The following DLC1 variants were observed in gnomAD, a reference collection of about 807,000 sequenced individuals.
DLC1 encodes the protein rho GTPase-activating protein 7.
In DLC1, 54 loss-of-function variants were observed where a neutral mutation model predicts 140.3. The observed-to-expected ratio is 0.38, with a 90% CI of 0.31 to 0.48. The LOEUF is 0.48. DLC1 is among the 20% of genes least tolerant of loss of function. DLC1 has a pLI of 0.96. For synonymous variants in DLC1, 986 were observed against 728.1 expected, an observed-to-expected ratio of 1.35 and a Z score of -5.70; for missense variants, 2,536 against 1,907.0, an observed-to-expected ratio of 1.33 and a Z score of -6.14.
intron 5 of DLC1, among the ~76,000 whole-genome samples, chr8:13,141,649 T>G (rs561162832): frequency 6.6e-6 from 1 of 152,334 alleles, no homozygotes; most frequent in South Asian, 2.1e-4. Flanking sequence ...ACAGTTCCCT[T>G]TCTTCGCTGC....
chr8:13,293,629 A>T (rs1011340056), intron 5 of DLC1, among the ~76,000 whole-genome samples: 4 of 152,212 alleles, frequency 2.6e-5, no homozygotes, highest in Non-Finnish European at 5.9e-5. Context: ...TTCTGCTTTC[A>T]AGGAGCTCTT....
chr8:13,508,768 AT>A (rs969342843), intron 1 of DLC1, among the ~76,000 whole-genome samples: 13 of 151,242 alleles, frequency 8.6e-5, no homozygotes, highest in South Asian at 6.3e-4. Flanking sequence ...TCCATGTTTT[AT>A]TTTTTTTTAA....
intron 5 of DLC1, among the ~76,000 whole-genome samples, chr8:13,259,979 C>T (rs766362914): frequency 2.0e-4 from 31 of 152,004 alleles, no homozygotes; most frequent in Admixed American, 3.9e-4. Context: ...CTAGACATTA[C>T]AAGAGCAGGA....
intron 5 of DLC1, among the ~76,000 whole-genome samples, chr8:13,130,246 T>C (rs1381828631): frequency 6.6e-6 from 1 of 152,222 alleles, no homozygotes; most frequent in Non-Finnish European, 1.5e-5. Context: ...TCTTGGAATC[T>C]CACCAAGCCT....
chr8:13,501,221 A>T (rs1166610102), intron 1 of DLC1, among the ~76,000 whole-genome samples: 1 of 152,200 alleles, frequency 6.6e-6, no homozygotes. Flanking sequence ...TATGGCCATA[A>T]AATTTAAGTA....
chr8:13,114,239 A>G (rs1820354857), intron 6 of DLC1, among the ~76,000 whole-genome samples: 1 of 152,302 alleles, frequency 6.6e-6, no homozygotes, highest in Non-Finnish European at 1.5e-5. Context: ...GCACATGCCC[A>G]TAATCCCAGC....
chr8:13,215,542 C>T (rs899146136), intron 5 of DLC1, among the ~76,000 whole-genome samples: 3 of 152,104 alleles, frequency 2.0e-5, no homozygotes, highest in African/African-American at 2.4e-5. Flanking sequence ...GCCAAGATCA[C>T]GCCACTGCAC....
intron 1 of DLC1, among the ~76,000 whole-genome samples, chr8:13,543,844 G>A (rs1803565826): frequency 6.6e-6 from 1 of 152,018 alleles, no homozygotes; most frequent in Admixed American, 6.6e-5. Context: ...ACTCAGAAGA[G>A]GGGAGGGCGA....
chr8:13,381,008 T>C (rs1378411649), intron 4 of DLC1, among the ~76,000 whole-genome samples: 8 of 152,162 alleles, frequency 5.3e-5, no homozygotes. Flanking sequence ...TCAAGGCTGA[T>C]GAAAGGGACT....
At chr8:13,587,437 C>G (rs1585306688) in intron 1 of DLC1, among the ~76,000 whole-genome samples, 1 of 151,682 alleles carries the variant, frequency 6.6e-6, no homozygotes, top group East Asian at 1.9e-4. Flanking sequence ...AGGAGACATG[C>G]ATTACATGTA....
intron 1 of DLC1, among the ~76,000 whole-genome samples, chr8:13,575,929 G>A (rs1028446801): frequency 6.6e-6 from 1 of 152,170 alleles, no homozygotes; most frequent in African/African-American, 2.4e-5. Flanking sequence ...TGTGTGGCAA[G>A]AGAGTCCCAC....
chr8:13,268,705 T>G (rs1008282363), intron 5 of DLC1, among the ~76,000 whole-genome samples: 2 of 151,908 alleles, frequency 1.3e-5, no homozygotes, highest in African/African-American at 4.8e-5. Context: ...AGAATTTCCC[T>G]TGGCTCTATG....
chr8:13,133,100 C>G lies in DLC1; in HGVS notation c.1349-17443G>C, dbSNP rs1015922617. 4 of 1,488,032 alleles carry G rather than the reference C, an allele frequency of 2.7e-6. No individual in the cohort carries two copies. The African/African-American group carries it at 5.6e-5, about 21-fold the overall frequency. 92.2% of individuals were successfully genotyped at this position (1,488,032 alleles called of 1,614,324 possible). On this transcript the variant is annotated intron_variant, in intron 5 of 17. Coordinates refer to ENST00000276297, the MANE Select transcript of DLC1 (RefSeq NM_182643.3). ...ACGCGCGCCCTCGCGGTCCTCAACG[C>G]ATCCTTGCTCGCCGCTCCCTGCCCC...
intron 5 of DLC1, among the ~76,000 whole-genome samples, chr8:13,181,435 C>T (rs1826029673): frequency 6.6e-6 from 1 of 151,350 alleles, no homozygotes; most frequent in African/African-American, 2.4e-5. Flanking sequence ...TTGCTGCACC[C>T]ATCAACTCGT....
intron 5 of DLC1, among the ~76,000 whole-genome samples, chr8:13,209,068 C>T (rs985126820): frequency 6.6e-6 from 1 of 152,072 alleles, no homozygotes; most frequent in Admixed American, 6.5e-5. Context: ...TAACTAGATT[C>T]TTTCTAAAGC....
At position 13,221,240 on chromosome 8, in the gene DLC1, C is replaced by T. The variant is rs79619547; in HGVS notation, c.1348+84029G>A. 1.0e-2 allele frequency among the ~76,000 whole-genome samples: 1,516 copies of T among 152,236 alleles called. 11 individuals are homozygous for T. The highest frequency in any genetic ancestry group is 0.033 in the South Asian group (158 of 4,822). ...TAGACACCACTGACCCGGATGATTA[C>T]GCAGACAGCACACCCAAATAGAGAC... On this transcript the variant is annotated intron_variant, in intron 5 of 17. Coordinates refer to ENST00000276297, the MANE Select transcript of DLC1 (RefSeq NM_182643.3).
chr8:13,274,193 G>A (rs548396745), intron 5 of DLC1, among the ~76,000 whole-genome samples: 6 of 152,284 alleles, frequency 3.9e-5, no homozygotes, highest in Middle Eastern at 3.4e-3. Context: ...AAGCTTGAGG[G>A]AAAGGGATGG....
intron 5 of DLC1, among the ~76,000 whole-genome samples, chr8:13,236,681 C>A (rs534915996): frequency 2.6e-4 from 40 of 151,950 alleles, no homozygotes; most frequent in African/African-American, 9.4e-4. Context: ...GGAGATGGTC[C>A]AAAAAAATAA....
chr8:13,592,380 T>G (rs980919183), intron 1 of DLC1, among the ~76,000 whole-genome samples: 15 of 152,180 alleles, frequency 9.9e-5, no homozygotes, highest in African/African-American at 3.6e-4. Flanking sequence ...ATATTTGTCT[T>G]TTATTTGTTT....
Sources: gnomAD v4.1 joint callset for allele counts (sites outside exome capture counted in the v4.1 genomes callset) on GRCh38, gnomAD v4.1.1 for gene constraint, MANE v1.5 for transcripts, NCBI Gene and HGNC (gene_info 2026-07-23, HGNC 2026-07-21) for gene names.